The following APBA2 variants were observed in gnomAD, a reference collection of about 807,000 sequenced individuals.
The protein encoded by APBA2 is amyloid beta precursor protein binding family A member 2, also known as amyloid-beta A4 precursor protein-binding family A member 2.
In APBA2, 30 loss-of-function variants were observed where a neutral mutation model predicts 75.0. The ratio of observed to expected loss-of-function variants is 0.40; its 90% CI spans 0.30 to 0.54. The LOEUF (loss-of-function observed/expected upper bound fraction) is 0.54, where lower values mean the gene tolerates loss of function less well. APBA2 is among the 20% of genes least tolerant of loss of function. APBA2 has a pLI of 0.49. For missense variants in APBA2, 801 were observed against 1,016.1 expected (o/e 0.79, Z 2.88); for synonymous variants, 444 against 409.6 (o/e 1.08, Z -1.01).
rs1393663722 is a variant in APBA2, at chr15:28,987,725, GAGAGATATATATATAT to G, written c.-94-8026_-94-8011del. 3.2e-3 allele frequency among the ~76,000 whole-genome samples: 385 copies of G among 118,562 alleles called. 20 individuals carry two copies. Among genetic ancestry groups the G allele is most frequent in the African/African-American group, 0.014 (359 of 25,012 alleles). 77.8% of individuals were successfully genotyped at this position (118,562 alleles called of 152,430 possible). A position where few individuals can be genotyped will look rare whatever the true frequency, so the allele number is the denominator to read the frequency against. On this transcript the variant is annotated intron_variant, in intron 2 of 14. Coordinates refer to ENST00000683413, the MANE Select transcript of APBA2 (RefSeq NM_001353788.2). ...AAGGGAGTGTCAAAGAATATGTGGA[GAGAGATATATATATAT>G]ATATATATATATTCTTTTTTTTTTT...
chr15:29,108,835 G>T (rs191734992), intron 13 of APBA2, among the ~76,000 whole-genome samples: 449 of 152,362 alleles, frequency 2.9e-3, no homozygotes, highest in African/African-American at 0.01. Context: ...CTCTGTGTTA[G>T]GCTTTGTACC....
At chr15:29,024,846 G>C (rs1378960626) in intron 3 of APBA2, among the ~76,000 whole-genome samples, 2 of 152,100 alleles carry the variant, frequency 1.3e-5, no homozygotes, top group Non-Finnish European at 2.9e-5. Context: ...TGTTGCCCAT[G>C]GTGAGTCAGA....
chr15:29,113,550 C>T (rs772019213), intron 13 of APBA2, among the ~76,000 whole-genome samples: 1 of 152,108 alleles, frequency 6.6e-6, no homozygotes, highest in Non-Finnish European at 1.5e-5. Flanking sequence ...CCGTAGGAGG[C>T]CAGGTGGCAG....
intron 2 of APBA2, among the ~76,000 whole-genome samples, chr15:28,944,669 G>C (rs2035441274): frequency 6.6e-6 from 1 of 152,244 alleles, no homozygotes; most frequent in Admixed American, 6.5e-5. Context: ...GCGATGTTGA[G>C]AAATGAATGG....
intron 4 of APBA2, among the ~76,000 whole-genome samples, chr15:29,069,308 C>G (rs1595886587): frequency 1.3e-5 from 2 of 152,334 alleles, no homozygotes; most frequent in Admixed American, 1.3e-4. Flanking sequence ...GTGAATAGTG[C>G]CACTGTGACC....
intron 3 of APBA2, among the ~76,000 whole-genome samples, chr15:29,018,051 A>C (rs2039765059): frequency 6.6e-6 from 1 of 152,162 alleles, no homozygotes; most frequent in East Asian, 1.9e-4. Flanking sequence ...GAGTGTCTGC[A>C]ACGTGGCTGC....
intron 1 of APBA2, among the ~76,000 whole-genome samples, chr15:28,915,241 T>TATACCACACACCACACACATACCCCATAC (rs2033632111): frequency 1.2e-3 from 37 of 31,984 alleles, no homozygotes; most frequent in South Asian, 2.2e-3. Flanking sequence ...ATACCCCATA[T>TATACCACACACCACACACATACCCCATAC]ATACCACACA....
chr15:28,939,887 G>T (rs1312600977), intron 2 of APBA2, among the ~76,000 whole-genome samples: 1 of 152,188 alleles, frequency 6.6e-6, no homozygotes, highest in Admixed American at 6.5e-5. Flanking sequence ...GGACTGGGGG[G>T]AACGTCCAGT....
intron 3 of APBA2, among the ~76,000 whole-genome samples, chr15:29,053,486 G>A (rs543941769): frequency 5.9e-5 from 9 of 152,162 alleles, no homozygotes; most frequent in Admixed American, 2.0e-4. Context: ...CATTTTCTTC[G>A]TGAGAGCAAA....
intron 8 of APBA2, 31 bp from the exon 9 acceptor site, chr15:29,098,459 G>A: frequency 6.4e-7 from 1 of 1,565,656 alleles, no homozygotes; most frequent in Non-Finnish European, 8.8e-7. Context: ...GTTGGTTTTT[G>A]GACTTTAACA....
intron 6 of APBA2, among the ~76,000 whole-genome samples, chr15:29,092,718 G>C (rs1397471632): frequency 1.3e-5 from 2 of 152,180 alleles, no homozygotes; most frequent in East Asian, 3.8e-4. Flanking sequence ...ATGAGTTCCG[G>C]GGCTGTGGGG....
At chr15:29,088,642 A>G (rs971859543) in intron 6 of APBA2, among the ~76,000 whole-genome samples, 2 of 152,072 alleles carry the variant, frequency 1.3e-5, no homozygotes, top group Non-Finnish European at 2.9e-5. Flanking sequence ...TGGGATGGCT[A>G]CAGTAGCCTC....
At chr15:29,064,790 G>T (rs1412162690) in intron 4 of APBA2, among the ~76,000 whole-genome samples, 2 of 152,110 alleles carry the variant, frequency 1.3e-5, no homozygotes, top group African/African-American at 2.4e-5. Flanking sequence ...TGAGGGGAGG[G>T]ACATTAGGAA....
chr15:29,094,415 A>G lies in APBA2; in HGVS notation c.1251+102A>G, dbSNP rs1408894314. On this transcript the variant is annotated intron_variant, in intron 8 of 14. Coordinates refer to ENST00000683413, the MANE Select transcript of APBA2 (RefSeq NM_001353788.2). ...GGGGGTTCCCCTGGGGATCTAAATAATGTTGCAAAGCAGCTTTTCCTCTTC... is the reference window on the plus strand; with the variant it reads ...GGGGGTTCCCCTGGGGATCTAAATAGTGTTGCAAAGCAGCTTTTCCTCTTC... 5.2e-6 allele frequency: 6 copies of G among 1,152,032 alleles called. No homozygotes were observed. In the Admixed American group the frequency reaches 1.0e-4, roughly 20 times the overall value. 71.4% of individuals were successfully genotyped at this position (1,152,032 alleles called of 1,614,324 possible). A position where few individuals can be genotyped will look rare whatever the true frequency, so the allele number is the denominator to read the frequency against.
chr15:29,007,315 T>C (rs2039169792), intron 3 of APBA2, among the ~76,000 whole-genome samples: 1 of 152,082 alleles, frequency 6.6e-6, no homozygotes, highest in African/African-American at 2.4e-5. Context: ...CTTCATGACA[T>C]TGGATTTGGT....
chr15:29,108,218 C>T, intron 12 of APBA2, 52 bp from the exon 13 acceptor site: 1 of 1,611,830 alleles, frequency 6.2e-7, no homozygotes, highest in Non-Finnish European at 8.5e-7. Context: ...CATCCTGGGT[C>T]AGGCTTGATG....
intron 6 of APBA2, among the ~76,000 whole-genome samples, chr15:29,086,479 A>G (rs925449220): frequency 7.9e-5 from 12 of 152,216 alleles, no homozygotes; most frequent in Non-Finnish European, 7.3e-5. Context: ...ATTCCTAATG[A>G]TACTTTGTCA....
chr15:28,976,629 A>T (rs746501320), intron 2 of APBA2, among the ~76,000 whole-genome samples: 10 of 152,244 alleles, frequency 6.6e-5, no homozygotes, highest in Non-Finnish European at 8.8e-5. Flanking sequence ...TTGCGACAAT[A>T]GCTTTTCTAA....
At chr15:29,066,720 T>G (rs62007201) in intron 4 of APBA2, among the ~76,000 whole-genome samples, 28,951 of 152,118 alleles carry the variant, frequency 0.19, 3,035 homozygotes, top group African/African-American at 0.28. Flanking sequence ...ATGTTATGTA[T>G]ACTTACCACA....
Sources: gnomAD v4.1 joint callset for allele counts (sites outside exome capture counted in the v4.1 genomes callset) on GRCh38, gnomAD v4.1.1 for gene constraint, MANE v1.5 for transcripts, NCBI Gene and HGNC (gene_info 2026-07-23, HGNC 2026-07-21) for gene names.